PDE3A: variants seen among roughly 807,000 people sequenced by gnomAD.
The protein encoded by PDE3A is phosphodiesterase 3A.
Under a neutral mutation model 98.3 loss-of-function variants are expected in PDE3A, and 43 were observed. The ratio of observed to expected loss-of-function variants is 0.44; its 90% confidence interval spans 0.34 to 0.56. The LOEUF (loss-of-function observed/expected upper bound fraction) is 0.56, where lower values mean the gene tolerates loss of function less well. Ranked by LOEUF, PDE3A falls within the 20% of genes least tolerant of loss-of-function variation. PDE3A has a pLI of 0.01. For synonymous variants in PDE3A, 663 were observed against 567.9 expected (o/e 1.17, Z -2.38); for missense variants, 1,427 against 1,440.7 (o/e 0.99, Z 0.15).
chr12:20,461,027 T>C lies in PDE3A; in HGVS notation c.960+90783T>C, dbSNP rs1945239450. ...TGTAGAGTCCGTATCAGTGGTGGTATAAAAGATTGTTTTACATGCAACGAG... is the reference window on the plus strand; with the variant it reads ...TGTAGAGTCCGTATCAGTGGTGGTACAAAAGATTGTTTTACATGCAACGAG... On this transcript the variant is annotated intron_variant, in intron 1 of 15. Coordinates refer to ENST00000359062, the MANE Select transcript of PDE3A (RefSeq NM_000921.5). Among the ~76,000 whole-genome samples the C allele has an allele frequency of 2.0e-5, 3 of 152,140 alleles. No individual in the cohort carries two copies. The South Asian group carries it at 6.2e-4, about 32-fold the overall frequency.
At chr12:20,523,059 G>A (rs978777345) in intron 1 of PDE3A, among the ~76,000 whole-genome samples, 11 of 151,944 alleles carry the variant, frequency 7.2e-5, no homozygotes, top group Admixed American at 5.9e-4. Context: ...GGGTATACCT[G>A]GGCGGTGGGG....
chr12:20,517,553 C>G (rs2121137927), intron 1 of PDE3A, among the ~76,000 whole-genome samples: 1 of 152,288 alleles, frequency 6.6e-6, no homozygotes, highest in Non-Finnish European at 1.5e-5. Flanking sequence ...CTACAGCTCC[C>G]TCCTATGACA....
At chr12:20,411,021 C>A (rs1473757070) in intron 1 of PDE3A, among the ~76,000 whole-genome samples, 1 of 152,188 alleles carries the variant, frequency 6.6e-6, no homozygotes, top group African/African-American at 2.4e-5. Context: ...ACTTTGTTTT[C>A]ATAGCAGCAC....
In PDE3A at chr12:20,635,398, G is replaced by A. The variant is rs558007311; in HGVS notation, c.2001+342G>A. On this transcript the variant is annotated intron_variant, in intron 8 of 15. Transcript: ENST00000359062. ...AGCCTGACCAACATGGTGAAACCCC[G>A]TCTCTACTAAAAATACCAAAATTAC... 1.3e-3 allele frequency among the ~76,000 whole-genome samples: 197 copies of A among 152,066 alleles called. 1 individual carries two copies. The highest frequency in any genetic ancestry group is 4.1e-3 in the African/African-American group (170 of 41,528).
At chr12:20,445,840 G>T (rs966234352) in intron 1 of PDE3A, among the ~76,000 whole-genome samples, 1 of 152,080 alleles carries the variant, frequency 6.6e-6, no homozygotes, top group Non-Finnish European at 1.5e-5. Context: ...GCTCTCTGCA[G>T]TCTGTGCATC....
intron 1 of PDE3A, among the ~76,000 whole-genome samples, chr12:20,530,738 T>G (rs1486220089): frequency 6.6e-6 from 1 of 152,154 alleles, no homozygotes; most frequent in Non-Finnish European, 1.5e-5. Flanking sequence ...GACATGAACA[T>G]CAACAAATTA....
At chr12:20,425,064 CAAAA>C (rs541586564) in intron 1 of PDE3A, among the ~76,000 whole-genome samples, 49 of 152,286 alleles carry the variant, frequency 3.2e-4, no homozygotes, top group Admixed American at 9.2e-4. Context: ...AAAGAACTGA[CAAAA>C]GAACATGTTT....
intron 1 of PDE3A, among the ~76,000 whole-genome samples, chr12:20,397,231 C>T (rs1944035113): frequency 6.6e-6 from 1 of 151,924 alleles, no homozygotes; most frequent in East Asian, 1.9e-4. Flanking sequence ...GCACAGTGAG[C>T]CTGTCTCTAT....
intron 1 of PDE3A, among the ~76,000 whole-genome samples, chr12:20,499,971 T>C (rs887456502): frequency 6.6e-6 from 1 of 152,184 alleles, no homozygotes; most frequent in Non-Finnish European, 1.5e-5. Flanking sequence ...AATGACTTGC[T>C]GAGGGCACCA....
intron 1 of PDE3A, among the ~76,000 whole-genome samples, chr12:20,530,604 AC>A (rs1488054057): frequency 1.3e-5 from 2 of 152,126 alleles, no homozygotes; most frequent in Non-Finnish European, 2.9e-5. Context: ...CGTAGCTGGA[AC>A]TATAGGTGTA....
At chr12:20,410,754 G>GA (rs1459210861) in intron 1 of PDE3A, among the ~76,000 whole-genome samples, 1 of 151,958 alleles carries the variant, frequency 6.6e-6, no homozygotes, top group African/African-American at 2.4e-5. Context: ...ATCAAAATGT[G>GA]AAAAAAATAC....
At chr12:20,536,904 C>G (rs1941763482) in intron 1 of PDE3A, among the ~76,000 whole-genome samples, 1 of 152,010 alleles carries the variant, frequency 6.6e-6, no homozygotes, top group African/African-American at 2.4e-5. Flanking sequence ...GAATATACAT[C>G]TAGAAGTGAA....
At chr12:20,481,381 T>C (rs562068866) in intron 1 of PDE3A, among the ~76,000 whole-genome samples, 13 of 152,334 alleles carry the variant, frequency 8.5e-5, no homozygotes, top group Non-Finnish European at 1.6e-4. Flanking sequence ...AAACTGAATA[T>C]TTATTATATG....
chr12:20,474,968 T>A (rs1945502981), intron 1 of PDE3A, among the ~76,000 whole-genome samples: 1 of 152,088 alleles, frequency 6.6e-6, no homozygotes, highest in Admixed American at 6.6e-5. Context: ...TATCTTTTTT[T>A]TTATTTTGGT....
chr12:20,613,489 C>A lies in PDE3A; in HGVS notation c.1058C>A (p.Ala353Asp). ...GTGGACATCGCCGTCATGGGCGAGGCCCACGGCCTCATTACCGACCTCCTG... is the reference window on the plus strand; with the variant it reads ...GTGGACATCGCCGTCATGGGCGAGGACCACGGCCTCATTACCGACCTCCTG... ...ITVDIAVMGE[A>D]HGLITDLLAD... The change falls in exon 3 of 16, where the codon GCC becomes GAC. Residue 353 changes from alanine to aspartate, a missense_variant. Transcript: ENST00000359062. 1 of 1,613,812 alleles carries A rather than the reference C, an allele frequency of 6.2e-7. No homozygotes were observed. The highest frequency in any genetic ancestry group is 8.5e-7 in the Non-Finnish European group (1 of 1,179,678).
At chr12:20,581,053 A>G (rs1395635500) in intron 2 of PDE3A, among the ~76,000 whole-genome samples, 1 of 152,244 alleles carries the variant, frequency 6.6e-6, no homozygotes, top group Non-Finnish European at 1.5e-5. Flanking sequence ...TTTTCAAACA[A>G]CCTTTCTTAC....
chr12:20,392,740 A>G (rs1943941973), intron 1 of PDE3A, among the ~76,000 whole-genome samples: 1 of 152,058 alleles, frequency 6.6e-6, no homozygotes, highest in Non-Finnish European at 1.5e-5. Context: ...GTGTCTATCA[A>G]CAGATGAATA....
intron 15 of PDE3A, among the ~76,000 whole-genome samples, chr12:20,661,548 C>G (rs774396790): frequency 2.6e-5 from 4 of 152,122 alleles, no homozygotes; most frequent in Non-Finnish European, 5.9e-5. Flanking sequence ...GTTCAGGGTC[C>G]CTGAGCAGTG....
chr12:20,490,499 C>T (rs1051359677), intron 1 of PDE3A, among the ~76,000 whole-genome samples: 1 of 152,160 alleles, frequency 6.6e-6, no homozygotes, highest in Admixed American at 6.5e-5. Context: ...TATAAGGCTT[C>T]TCAGCACAGT....
Sources: allele counts gnomAD v4.1 joint callset (sites outside exome capture counted in the v4.1 genomes callset), GRCh38; gene constraint gnomAD v4.1.1; transcripts MANE v1.5; gene names NCBI Gene and HGNC (gene_info 2026-07-23, HGNC 2026-07-21).